Variants in EHD4 observed in about 807,000 individuals in gnomAD.
The protein encoded by EHD4 is EH domain-containing protein 4.
Under a neutral mutation model 51.0 loss-of-function variants are expected in EHD4, and 37 were observed. The ratio of observed to expected loss-of-function variants is 0.73; its 90% CI spans 0.56 to 0.95. The LOEUF is 0.95. Ranked by LOEUF, EHD4 falls within the 40% of genes least tolerant of loss-of-function variation. The pLI is 0.00. For synonymous variants in EHD4, 297 were observed against 317.3 expected (o/e 0.94, Z 0.68); for missense variants, 632 against 733.1 (o/e 0.86, Z 1.59).
Position 41,900,437 on chromosome 15 carries a change from C to A in EHD4, c.*208G>T, listed in dbSNP as rs1365573464. 8 of 606,494 alleles carry A rather than the reference C, an allele frequency of 1.3e-5. No homozygotes were observed. The Admixed American group carries it at 2.1e-4, about 16-fold the overall frequency. The allele number at this position is 606,494 out of a possible 1,614,324, so 37.6% of individuals were successfully genotyped here. On this transcript the variant is annotated 3_prime_UTR_variant, in exon 6 of 6. Coordinates refer to ENST00000220325, the MANE Select transcript of EHD4 (RefSeq NM_139265.4). This position sits in a 1 kb window ranked among gnomAD's most constrained non-coding sequence, Gnocchi z 4.8. ...CCCTTCAATCTCCTAATCCACCCCC[C>A]TACCCCCAATATTTTCATAGAAACT...
At chr15:41,924,794 C>T (rs145560075) in intron 3 of EHD4, among the ~76,000 whole-genome samples, 41 of 152,210 alleles carry the variant, frequency 2.7e-4, no homozygotes, top group South Asian at 1.0e-3. Context: ...GCATTTTTCA[C>T]GCCTGTAATC....
At chr15:41,972,104 C>A (rs1030387718) in intron 1 of EHD4, among the ~76,000 whole-genome samples, 155 bp downstream of exon 1, 1 of 151,722 alleles carries the variant, frequency 6.6e-6, no homozygotes, top group Non-Finnish European at 1.5e-5. Context: ...GGCTGGCCAG[C>A]CGGGGCGGGG....
chr15:41,961,155 C>T lies in EHD4; in HGVS notation c.237-7215G>A, dbSNP rs561674083. Among the ~76,000 whole-genome samples the T allele has an allele frequency of 1.1e-3, 167 of 152,262 alleles. 2 individuals carry two copies. In the South Asian group the frequency reaches 0.013, roughly 12 times the overall value. On this transcript the variant is annotated intron_variant, in intron 1 of 5. Coordinates refer to ENST00000220325, the MANE Select transcript of EHD4 (RefSeq NM_139265.4). ...CTGGAATTTGCTGGGTAAAACTTTT[C>T]GTATCTCAGGCTATTTTTCCAGCTA...
At chr15:41,935,526 CT>C (rs1312639897) in intron 3 of EHD4, among the ~76,000 whole-genome samples, 1 of 152,044 alleles carries the variant, frequency 6.6e-6, no homozygotes, top group Non-Finnish European at 1.5e-5. Flanking sequence ...TCAAAAATTG[CT>C]AAAGGAAAAA....
intron 4 of EHD4, among the ~76,000 whole-genome samples, chr15:41,918,242 A>ACACACACACACACG (rs1347109024): frequency 7.3e-4 from 95 of 130,560 alleles, no homozygotes; most frequent in African/African-American, 2.6e-3. Flanking sequence ...ACACACACAC[A>ACACACACACACACG]CGCGCATGTT....
chr15:41,901,303 C>A (rs2067476566), intron 5 of EHD4, 122 bp from the exon 6 acceptor site: 2 of 1,047,210 alleles, frequency 1.9e-6, no homozygotes, highest in African/African-American at 3.2e-5. Flanking sequence ...CTCAGGAGTG[C>A]ACTCTTTGGG....
intron 3 of EHD4, among the ~76,000 whole-genome samples, chr15:41,923,634 G>A (rs2140990501): frequency 6.6e-6 from 1 of 152,340 alleles, no homozygotes; most frequent in South Asian, 2.1e-4. Context: ...AATGCATGGT[G>A]CAGTTTGAGG....
chr15:41,941,667 G>A (rs896871390), intron 3 of EHD4: 1 of 150,870 alleles, frequency 6.6e-6, no homozygotes, highest in Non-Finnish European at 1.5e-5. Flanking sequence ...TAGCTGGCAA[G>A]TCCCTGACTG....
At chr15:41,938,014 C>T (rs1343881810) in intron 3 of EHD4, among the ~76,000 whole-genome samples, 3 of 152,182 alleles carry the variant, frequency 2.0e-5, no homozygotes, top group East Asian at 3.8e-4. Context: ...GTTTCATAGA[C>T]ACCATACACA....
chr15:41,926,645 C>G (rs2067663691), intron 3 of EHD4, among the ~76,000 whole-genome samples: 1 of 152,240 alleles, frequency 6.6e-6, no homozygotes, highest in Non-Finnish European at 1.5e-5. Flanking sequence ...ATCTCCAAAA[C>G]TGTGAGTGTC....
intron 4 of EHD4, among the ~76,000 whole-genome samples, chr15:41,911,761 T>A (rs2067551083): frequency 6.6e-6 from 1 of 152,156 alleles, no homozygotes; most frequent in Non-Finnish European, 1.5e-5. Context: ...GGCTTCTTAT[T>A]GAGACCACCC....
rs2067448025 is a variant in EHD4, at chr15:41,897,602, C to T, written c.*3043G>A. On this transcript the variant is annotated 3_prime_UTR_variant, in exon 6 of 6. Transcript: ENST00000220325. ...AGGTTGGAAGGCTGTTGTGTGCCAC[C>T]CCTCCCTGGGAGCTGGGGAGATTCC... The T allele has an allele frequency of 6.6e-6, 1 of 152,318 alleles. No individual in the cohort carries two copies. The highest frequency in any genetic ancestry group is 6.5e-5 in the Admixed American group (1 of 15,286). The allele number at this position is 152,318 out of a possible 1,614,324, so 9.4% of individuals were successfully genotyped here.
At chr15:41,905,063 G>C (rs898557146) in intron 5 of EHD4, among the ~76,000 whole-genome samples, 2 of 152,252 alleles carry the variant, frequency 1.3e-5, no homozygotes, top group Non-Finnish European at 2.9e-5. Flanking sequence ...AAAGATCACA[G>C]TGTGGTCACT....
At chr15:41,965,151 C>T (rs2067953901) in intron 1 of EHD4, among the ~76,000 whole-genome samples, 1 of 151,944 alleles carries the variant, frequency 6.6e-6, no homozygotes, top group South Asian at 2.1e-4. Flanking sequence ...GATTTATGGC[C>T]AAAAATGTTC....
chr15:41,899,149 C>T lies in EHD4; in HGVS notation c.*1496G>A, dbSNP rs1409968776. ...CTTCTGGTGCCAGCAGGCCCCCATA[C>T]CATGTGGCCATTGCTGTTTCGTGTC... On this transcript the variant is annotated 3_prime_UTR_variant, in exon 6 of 6. Transcript: ENST00000220325. 2 of 152,180 alleles carry T rather than the reference C, an allele frequency of 1.3e-5. No homozygotes were observed. The highest frequency in any genetic ancestry group is 2.4e-5 in the African/African-American group (1 of 41,426). The allele number at this position is 152,180 out of a possible 1,614,324, so 9.4% of individuals were successfully genotyped here.
intron 3 of EHD4, among the ~76,000 whole-genome samples, chr15:41,938,538 T>G (rs1007748065): frequency 2.0e-5 from 3 of 152,214 alleles, no homozygotes; most frequent in African/African-American, 7.2e-5. Context: ...TTATAATGAA[T>G]AGGCTGGGAT....
At chr15:41,928,603 A>G (rs2067678228) in intron 3 of EHD4, 1 of 152,212 alleles carries the variant, frequency 6.6e-6, no homozygotes, top group South Asian at 2.1e-4. Context: ...AAATATGCAT[A>G]TTGTAAAAAT....
Position 41,904,667 on chromosome 15 carries a change from C to T in EHD4, c.1090-3486G>A, listed in dbSNP as rs556978395. On this transcript the variant is annotated intron_variant, in intron 5 of 5. Transcript: ENST00000220325. ...TAACCAGAAGAGTTTTCAAATCCAC[C>T]AGAGGGTCTGAGCAGATGGGGCTGA... is the stretch of plus-strand genomic sequence containing the variant. Among the ~76,000 whole-genome samples, 3 of 152,318 alleles carry T rather than the reference C, an allele frequency of 2.0e-5. No homozygotes were observed. The South Asian group carries it at 6.2e-4, about 32-fold the overall frequency.
intron 1 of EHD4, among the ~76,000 whole-genome samples, chr15:41,969,512 C>T (rs1767579005): frequency 6.6e-6 from 1 of 151,996 alleles, no homozygotes; most frequent in African/African-American, 2.4e-5. Context: ...TGCCATGGCA[C>T]TCCAGCCTGG....
Sources: allele counts gnomAD v4.1 joint callset (sites outside exome capture counted in the v4.1 genomes callset), GRCh38; gene constraint gnomAD v4.1.1; non-coding constraint Gnocchi (gnomAD v3.1); transcripts MANE v1.5; gene names NCBI Gene and HGNC (gene_info 2026-07-23, HGNC 2026-07-21).